ADGRA2: variants seen among roughly 807,000 people sequenced by gnomAD.
ADGRA2 encodes G-protein coupled receptor 124.
Under a neutral mutation model 98.7 loss-of-function variants are expected in ADGRA2, and 61 were observed. The observed-to-expected ratio is 0.62, with a 90% confidence interval of 0.50 to 0.76. The LOEUF (loss-of-function observed/expected upper bound fraction) is 0.76, where lower values mean the gene tolerates loss of function less well. Among genes scored for constraint, ADGRA2 ranks in the 30% least tolerant of loss-of-function variants. The pLI, the probability that ADGRA2 is intolerant of heterozygous loss-of-function variation, is 0.00. For missense variants in ADGRA2, 1,712 were observed against 1,860.0 expected (o/e 0.92, Z 1.46); for synonymous variants, 858 against 831.5 (o/e 1.03, Z -0.55).
intron 1 of ADGRA2, among the ~76,000 whole-genome samples, chr8:37,810,042 A>AGAGT: frequency 6.6e-6 from 1 of 152,342 alleles, no homozygotes; most frequent in Admixed American, 6.5e-5. Flanking sequence ...GGCAGAGAAT[A>AGAGT]GAGTAGTAGG....
At chr8:37,813,491 T>C (rs1804898068) in intron 1 of ADGRA2, among the ~76,000 whole-genome samples, 1 of 152,190 alleles carries the variant, frequency 6.6e-6, no homozygotes, top group Admixed American at 6.5e-5. Flanking sequence ...CTTTTTGACA[T>C]ATCAACATTG....
rs571996283 is a variant in ADGRA2, at chr8:37,804,809, C to T, written c.266+7275C>T. On this transcript the variant is annotated intron_variant, in intron 1 of 18. Coordinates refer to ENST00000412232, the MANE Select transcript of ADGRA2 (RefSeq NM_032777.10). ...TAATCCGTTTTCCTCCACATGGATA[C>T]ATGAGCCAGGGAAAAGGGGCTCCCC... 2.9e-3 allele frequency among the ~76,000 whole-genome samples: 439 copies of T among 152,338 alleles called. 1 individual carries two copies. The highest frequency in any genetic ancestry group is 4.0e-3 in the Non-Finnish European group (274 of 68,030).
rs747057502 is a variant in ADGRA2 at position 37,837,774 on chromosome 8, G to A, written c.2094G>A (p.Ser698=). 19 of 1,552,444 alleles carry A rather than the reference G, an allele frequency of 1.2e-5. No homozygotes were observed. The highest frequency in any genetic ancestry group is 1.1e-4 in the South Asian group (9 of 84,114). The part of the protein sequence containing the change: ...VGNLTEPVAV[S]LRHWAEGAEP... Reference sequence around the variant, plus strand: ...ACCTGACAGAGCCAGTGGCCGTTTCGCTGCGGCACTGGGCTGAGGGAGCCG... The same window carrying A: ...ACCTGACAGAGCCAGTGGCCGTTTCACTGCGGCACTGGGCTGAGGGAGCCG... Residue 698 remains serine, a synonymous_variant, in exon 14 of 19, where the codon TCG becomes TCA. Transcript: ENST00000412232.
intron 2 of ADGRA2, among the ~76,000 whole-genome samples, chr8:37,824,188 C>T (rs941256701): frequency 3.3e-5 from 5 of 151,826 alleles, no homozygotes; most frequent in Non-Finnish European, 7.4e-5. Context: ...TGCGCCACCA[C>T]GCCCAGCTAA....
chr8:37,829,367 G>A (rs1257355154), intron 4 of ADGRA2, 35 bp downstream of exon 4: 1 of 1,589,476 alleles, frequency 6.3e-7, no homozygotes, highest in Admixed American at 1.7e-5. Context: ...GAGGGGAGGA[G>A]AGGGAAGAAG....
Position 37,835,814 on chromosome 8 carries a change from T to G in ADGRA2, c.2050+44T>G, listed in dbSNP as rs1400092040. On this transcript the variant is annotated intron_variant, in intron 13 of 18. Coordinates refer to ENST00000412232, the MANE Select transcript of ADGRA2 (RefSeq NM_032777.10). ...CGCCCCGCCCAGGGTGCCTCTCGTGTGTCCGCCCTGTTCCCCTTTATCCTG... is the reference window on the plus strand; with the variant it reads ...CGCCCCGCCCAGGGTGCCTCTCGTGGGTCCGCCCTGTTCCCCTTTATCCTG... 2.3e-6 allele frequency: 3 copies of G among 1,281,570 alleles called. No homozygotes were observed. The Admixed American group carries it at 5.2e-5, about 22-fold the overall frequency. 79.4% of individuals were successfully genotyped at this position (1,281,570 alleles called of 1,614,324 possible).
chr8:37,842,581 TCTGA>T lies in ADGRA2; in HGVS notation c.*230_*233del, dbSNP rs1034826939. On this transcript the variant is annotated 3_prime_UTR_variant, in exon 19 of 19. Coordinates refer to ENST00000412232, the MANE Select transcript of ADGRA2 (RefSeq NM_032777.10). The stretch of plus-strand genomic sequence containing the variant: ...TACATTTCCGTCCAGCCCGGGGCAG[TCTGA>T]CTGTCGGTGCCCTCCCAGGAACGGG... 4.2e-6 allele frequency: 3 copies of T among 708,462 alleles called. No individual in the cohort carries two copies. The highest frequency in any genetic ancestry group is 6.0e-6 in the Non-Finnish European group (3 of 498,824). The allele number at this position is 708,462 out of a possible 1,614,324, so 43.9% of individuals were successfully genotyped here.
intron 5 of ADGRA2, 104 bp downstream of exon 5, chr8:37,829,663 C>A: frequency 1.0e-6 from 1 of 990,874 alleles, no homozygotes; most frequent in Non-Finnish European, 1.6e-6. Context: ...CACGAGTGGC[C>A]ACAGCAGACA....
chr8:37,826,284 T>G (rs1403779169), intron 2 of ADGRA2, among the ~76,000 whole-genome samples: 2 of 151,988 alleles, frequency 1.3e-5, no homozygotes, highest in Non-Finnish European at 2.9e-5. Flanking sequence ...GGGCACATGC[T>G]GGGACAGTCC....
rs552911580 is a variant in ADGRA2 at position 37,808,583 on chromosome 8, T to C, written c.267-6313T>C. Among the ~76,000 whole-genome samples, 1,035 of 151,914 alleles carry C rather than the reference T, an allele frequency of 6.8e-3. 18 individuals are homozygous for C. Among genetic ancestry groups the C allele is most frequent in the African/African-American group, 0.023 (961 of 41,388 alleles). On this transcript the variant is annotated intron_variant, in intron 1 of 18. Transcript: ENST00000412232. ...CTGTGTGTGTGTGTGTGTGTGTGTG[T>C]GTGTGCATGGGCCTGCGTGCATGTT...
chr8:37,809,103 A>G (rs1804754578), intron 1 of ADGRA2, among the ~76,000 whole-genome samples: 3 of 152,118 alleles, frequency 2.0e-5, no homozygotes, highest in South Asian at 2.1e-4. Flanking sequence ...GATTATAGGC[A>G]TGAGCCACCG....
At position 37,839,523 on chromosome 8, in the gene ADGRA2, C is replaced by T; in HGVS notation, c.2412C>T (p.Gly804=). 2 of 1,614,166 alleles carry T rather than the reference C, an allele frequency of 1.2e-6. No homozygotes were observed. Among genetic ancestry groups the T allele is most frequent in the Non-Finnish European group, 1.7e-6 (2 of 1,180,026 alleles). ...NHSSIRVSRK[G]WHMLLNLCFH... Reference sequence around the variant, plus strand: ...GCTCCATCCGTGTGTCCCGGAAAGGCTGGCACATGCTGCTGAACTTGTGCT... The same window carrying T: ...GCTCCATCCGTGTGTCCCGGAAAGGTTGGCACATGCTGCTGAACTTGTGCT... The change falls in exon 16 of 19, where the codon GGC becomes GGT. Residue 804 remains glycine, a synonymous_variant. Coordinates refer to ENST00000412232, the MANE Select transcript of ADGRA2 (RefSeq NM_032777.10).
Position 37,830,677 on chromosome 8 carries a change from C to G in ADGRA2, c.719-33C>G. The stretch of plus-strand genomic sequence containing the variant: ...ACGTGCAGCCTCACATGCGTGTGCA[C>G]TCGGGCCTCACGCCTGGTGTCTCCT... On this transcript the variant is annotated intron_variant, in intron 6 of 18. Transcript: ENST00000412232. This position sits in a 1 kb window ranked among gnomAD's most constrained non-coding sequence, Gnocchi z 4.8. 6.9e-7 allele frequency: 1 copy of G among 1,441,648 alleles called. No homozygotes were observed. The highest frequency in any genetic ancestry group is 9.5e-7 in the Non-Finnish European group (1 of 1,052,950). The allele number at this position is 1,441,648 out of a possible 1,614,324, so 89.3% of individuals were successfully genotyped here. A position where few individuals can be genotyped will look rare whatever the true frequency, so the allele number is the denominator to read the frequency against.
chr8:37,831,483 C>T lies in ADGRA2; in HGVS notation c.993C>T (p.Ser331=), dbSNP rs140801702. 3 of 1,613,776 alleles carry T rather than the reference C, an allele frequency of 1.9e-6. No individual in the cohort carries two copies. Among genetic ancestry groups the T allele is most frequent in the Admixed American group, 3.3e-5 (2 of 60,026 alleles). Residue 331 remains serine (S), a synonymous_variant, in exon 8 of 19, where the codon TCC becomes TCT. Coordinates refer to ENST00000412232, the MANE Select transcript of ADGRA2 (RefSeq NM_032777.10). ...CAGGCGAGTGGGAGTGCACCGTGTC[C>T]ATGGCCCAAGGCAACGCCAGCAAGA... is the stretch of plus-strand genomic sequence containing the variant. The part of the protein sequence containing the change: ...WASGEWECTV[S]MAQGNASKKV...
At chr8:37,798,232 C>G (rs958939081) in intron 1 of ADGRA2, among the ~76,000 whole-genome samples, 1 of 152,248 alleles carries the variant, frequency 6.6e-6, no homozygotes, top group Non-Finnish European at 1.5e-5. Context: ...CTTGCCTCTC[C>G]TTTGCCTCTC....
At chr8:37,812,250 GA>G (rs201106491) in intron 1 of ADGRA2, among the ~76,000 whole-genome samples, 1,590 of 152,232 alleles carry the variant, frequency 0.01, 34 homozygotes, top group African/African-American at 0.036. Flanking sequence ...AAAGAGTTGG[GA>G]AAATGTGAGG....
chr8:37,823,820 A>G (rs980286202), intron 2 of ADGRA2, among the ~76,000 whole-genome samples: 1 of 152,080 alleles, frequency 6.6e-6, no homozygotes, highest in Non-Finnish European at 1.5e-5. Flanking sequence ...GCATCTTTGT[A>G]TGGGCTTATT....
chr8:37,813,581 G>C (rs915478042), intron 1 of ADGRA2, among the ~76,000 whole-genome samples: 6 of 152,134 alleles, frequency 3.9e-5, no homozygotes, highest in African/African-American at 1.2e-4. Context: ...CTTCCCACCA[G>C]GAAATGTCAC....
chr8:37,813,235 A>T (rs900415082), intron 1 of ADGRA2, among the ~76,000 whole-genome samples: 6 of 151,934 alleles, frequency 3.9e-5, no homozygotes, highest in Admixed American at 6.6e-5. Flanking sequence ...CTCTAAAAAA[A>T]TTTTTTTTAA....
Sources: allele counts gnomAD v4.1 joint callset (sites outside exome capture counted in the v4.1 genomes callset), GRCh38; gene constraint gnomAD v4.1.1; non-coding constraint Gnocchi (gnomAD v3.1); transcripts MANE v1.5; gene names NCBI Gene and HGNC (gene_info 2026-07-23, HGNC 2026-07-21).